The following SAMD12 variants were observed in gnomAD, a reference collection of about 807,000 sequenced individuals.
SAMD12 encodes the protein sterile alpha motif domain containing 12.
In SAMD12, 9 loss-of-function variants were observed where a neutral mutation model predicts 15.0. The observed-to-expected ratio is 0.60, with a 90% CI of 0.36 to 1.05. The LOEUF (loss-of-function observed/expected upper bound fraction) is 1.05. Ranked by LOEUF, SAMD12 falls within the 50% of genes least tolerant of loss-of-function variation. SAMD12 has a pLI of 0.01. For synonymous variants in SAMD12, 86 were observed against 90.1 expected (o/e 0.96, Z 0.25); for missense variants, 230 against 234.2 (o/e 0.98, Z 0.12).
At chr8:118,273,155 G>T (rs978525973) in intron 4 of SAMD12, among the ~76,000 whole-genome samples, 1 of 152,194 alleles carries the variant, frequency 6.6e-6, no homozygotes, top group Non-Finnish European at 1.5e-5. Context: ...ATGCTGGGGA[G>T]ACCTCAGGAA....
At chr8:118,570,460 A>G (rs1826976676) in intron 2 of SAMD12, among the ~76,000 whole-genome samples, 1 of 152,036 alleles carries the variant, frequency 6.6e-6, no homozygotes, top group African/African-American at 2.4e-5. Flanking sequence ...AACATGTTGT[A>G]TTTGGTTTTC....
chr8:118,404,138 A>G (rs1821008554), intron 3 of SAMD12, among the ~76,000 whole-genome samples: 1 of 152,186 alleles, frequency 6.6e-6, no homozygotes. Context: ...ATGTGCCACA[A>G]TGCCCAGCTA....
chr8:118,593,064 A>T (rs1827623785), intron 1 of SAMD12, among the ~76,000 whole-genome samples: 1 of 152,176 alleles, frequency 6.6e-6, no homozygotes, highest in Non-Finnish European at 1.5e-5. Context: ...AGACTAAAGG[A>T]ACATTCAAGT....
intron 4 of SAMD12, among the ~76,000 whole-genome samples, chr8:118,251,134 A>C (rs1812810517): frequency 6.6e-6 from 1 of 152,150 alleles, no homozygotes; most frequent in South Asian, 2.1e-4. Context: ...AGTGAGAAAC[A>C]GGAGGAGTGG....
At chr8:118,589,790 T>C (rs1312099079) in intron 1 of SAMD12, among the ~76,000 whole-genome samples, 2 of 152,234 alleles carry the variant, frequency 1.3e-5, no homozygotes, top group Non-Finnish European at 2.9e-5. Flanking sequence ...TGTATATGAA[T>C]TGAACCACGT....
chr8:118,148,769 C>T, the SAMD12 span, among the ~76,000 whole-genome samples: 83,741 of 152,168 alleles, frequency 0.55, 23,986 homozygotes, highest in Middle Eastern at 0.66. Context: ...TTCCATACAG[C>T]GCAATCATGT....
intron 2 of SAMD12, among the ~76,000 whole-genome samples, chr8:118,495,083 G>A (rs1586762481): frequency 6.6e-6 from 1 of 152,200 alleles, no homozygotes; most frequent in Non-Finnish European, 1.5e-5. Context: ...ACAAGTGTGT[G>A]ACATACAGTA....
intron 4 of SAMD12, among the ~76,000 whole-genome samples, chr8:118,298,684 G>C (rs1814856437): frequency 6.6e-6 from 1 of 152,160 alleles, no homozygotes; most frequent in Non-Finnish European, 1.5e-5. Context: ...TAGGCATAGA[G>C]ATGTTCATCC....
intron 2 of SAMD12, among the ~76,000 whole-genome samples, chr8:118,572,158 T>C (rs1176918799): frequency 6.6e-6 from 1 of 152,254 alleles, no homozygotes; most frequent in African/African-American, 2.4e-5. Flanking sequence ...TTGACTGTCC[T>C]GCTGGATTTC....
At chr8:118,387,284 A>T (rs2130739733) in intron 3 of SAMD12, among the ~76,000 whole-genome samples, 1 of 152,356 alleles carries the variant, frequency 6.6e-6, no homozygotes. Flanking sequence ...TCTGAGTCTT[A>T]GTTTACTCAT....
At chr8:118,484,471 G>A (rs1824222080) in intron 2 of SAMD12, among the ~76,000 whole-genome samples, 1 of 152,174 alleles carries the variant, frequency 6.6e-6, no homozygotes, top group Admixed American at 6.5e-5. Context: ...CGGGCTGGCT[G>A]TAGGAAACTG....
chr8:118,286,007 G>A (rs111258875), intron 4 of SAMD12, among the ~76,000 whole-genome samples: 8,149 of 152,170 alleles, frequency 0.054, 702 homozygotes, highest in African/African-American at 0.18. Context: ...ATGAGTTCAT[G>A]TCCTTTGTAG....
the SAMD12 span, among the ~76,000 whole-genome samples, chr8:118,163,408 A>T: frequency 6.6e-6 from 1 of 152,152 alleles, no homozygotes; most frequent in Non-Finnish European, 1.5e-5. Flanking sequence ...TTTGGGTAAT[A>T]GGGATGTGAT....
intron 1 of SAMD12, among the ~76,000 whole-genome samples, chr8:118,607,987 T>C (rs567130602): frequency 6.6e-6 from 1 of 152,196 alleles, no homozygotes; most frequent in Non-Finnish European, 1.5e-5. Flanking sequence ...TCAGTTAACA[T>C]GTTTCTAGGC....
chr8:118,346,671 A>T (rs997667054), intron 4 of SAMD12, among the ~76,000 whole-genome samples: 5 of 152,220 alleles, frequency 3.3e-5, no homozygotes, highest in African/African-American at 1.2e-4. Flanking sequence ...AACTCACAGG[A>T]CTCAGCATAT....
intron 4 of SAMD12, among the ~76,000 whole-genome samples, chr8:118,249,779 C>A (rs1014261520): frequency 2.6e-5 from 4 of 152,094 alleles, no homozygotes; most frequent in African/African-American, 9.7e-5. Flanking sequence ...CAGCCACAGG[C>A]CCTTAGAGTG....
At chr8:118,303,876 G>A (rs545761000) in intron 4 of SAMD12, among the ~76,000 whole-genome samples, 1 of 152,252 alleles carries the variant, frequency 6.6e-6, no homozygotes, top group East Asian at 1.9e-4. Context: ...TCACAGAAAT[G>A]GTCTTAGCCA....
rs147987299 is a variant in SAMD12, at chr8:118,371,136, T to A, written c.433+8424A>T. ...ATTTTTATAATGAAGATATCTTAAT[T>A]TCTGACAAGCAACTTGTCCAAAGTT... On this transcript the variant is annotated intron_variant, in intron 4 of 4. Coordinates refer to the SAMD12 transcript ENST00000409003. Among the ~76,000 whole-genome samples the A allele has an allele frequency of 9.5e-4, 144 of 152,272 alleles. 1 individual carries two copies. Among genetic ancestry groups the A allele is most frequent in the African/African-American group, 3.4e-3 (142 of 41,564 alleles).
intron 2 of SAMD12, among the ~76,000 whole-genome samples, chr8:118,458,132 A>C (rs1175967903): frequency 6.6e-6 from 1 of 152,146 alleles, no homozygotes; most frequent in Non-Finnish European, 1.5e-5. Flanking sequence ...ACACACCACA[A>C]ATGCAGTTTT....
Sources: gnomAD v4.1 joint callset for allele counts (sites outside exome capture counted in the v4.1 genomes callset) on GRCh38, gnomAD v4.1.1 for gene constraint, MANE v1.5 for transcripts, NCBI Gene and HGNC (gene_info 2026-07-23, HGNC 2026-07-21) for gene names.